Variants in AHI1 observed in about 807,000 individuals in gnomAD.
AHI1 encodes jouberin.
A neutral mutation model predicts 149.3 loss-of-function variants in AHI1; 123 were observed. The observed-to-expected ratio is 0.82, with a 90% CI of 0.71 to 0.96. The LOEUF (loss-of-function observed/expected upper bound fraction) is 0.96, where lower values mean the gene tolerates loss of function less well. Ranked by LOEUF, AHI1 falls within the 40% of genes least tolerant of loss-of-function variation. AHI1 has a pLI of 0.00. For missense variants in AHI1, 1,439 were observed against 1,422.7 expected, an observed-to-expected ratio of 1.01 and a Z score of -0.18; for synonymous variants, 475 against 459.8, an observed-to-expected ratio of 1.03 and a Z score of -0.42.
chr6:135,497,311 G>A (rs1427698798), intron 1 of AHI1, 62 bp from the exon 2 acceptor site: 2 of 152,282 alleles, frequency 1.3e-5, no homozygotes, highest in Non-Finnish European at 2.9e-5. Context: ...TAAGAATCGG[G>A]AGTAGGAAAG....
chr6:135,400,155 AATT>A (rs1287445232), intron 22 of AHI1, among the ~76,000 whole-genome samples: 1 of 152,184 alleles, frequency 6.6e-6, no homozygotes, highest in Non-Finnish European at 1.5e-5. Context: ...ACGAAAAAAT[AATT>A]ATGTTTTTAA....
chr6:135,422,523 T>C (rs147242717), intron 20 of AHI1, among the ~76,000 whole-genome samples: 1 of 151,714 alleles, frequency 6.6e-6, no homozygotes, highest in African/African-American at 2.4e-5. Flanking sequence ...AAAAAAAAAT[T>C]AGTGCTATAT....
chr6:135,397,870 C>T (rs1381615092), intron 22 of AHI1, among the ~76,000 whole-genome samples: 1 of 151,982 alleles, frequency 6.6e-6, no homozygotes, highest in African/African-American at 2.4e-5. Context: ...TATCATATCT[C>T]AAGTTGGTTT....
chr6:135,314,133 C>T (rs1785599337), intron 26 of AHI1, among the ~76,000 whole-genome samples: 1 of 152,140 alleles, frequency 6.6e-6, no homozygotes, highest in Non-Finnish European at 1.5e-5. Context: ...ATGTTATGGA[C>T]CTCATGTCTG....
chr6:135,303,870 T>C (rs1047039398), intron 26 of AHI1, among the ~76,000 whole-genome samples: 2 of 152,158 alleles, frequency 1.3e-5, no homozygotes, highest in Non-Finnish European at 2.9e-5. Context: ...GCTCTGTAAA[T>C]GACAGTTTAC....
intron 16 of AHI1, among the ~76,000 whole-genome samples, 194 bp downstream of exon 16, chr6:135,432,833 T>C (rs1159216465): frequency 6.6e-6 from 1 of 152,192 alleles, no homozygotes. Flanking sequence ...AATCTAAATG[T>C]TTAAGAATTT....
At chr6:135,417,183 A>T (rs1782500919) in intron 20 of AHI1, among the ~76,000 whole-genome samples, 1 of 152,176 alleles carries the variant, frequency 6.6e-6, no homozygotes, top group East Asian at 1.9e-4. Flanking sequence ...TTTGCTTTTT[A>T]AAATTGTCCC....
chr6:135,337,915 A>C (rs1562527469), intron 24 of AHI1, among the ~76,000 whole-genome samples: 1 of 152,186 alleles, frequency 6.6e-6, no homozygotes. Flanking sequence ...ATATTCTAGG[A>C]GAAGTTCGCG....
At chr6:135,339,555 G>C (rs1341580798) in intron 24 of AHI1, among the ~76,000 whole-genome samples, 1 of 152,148 alleles carries the variant, frequency 6.6e-6, no homozygotes, top group African/African-American at 2.4e-5. Flanking sequence ...ATATTCACTA[G>C]AGGGACTCAA....
chr6:135,402,232 T>C (rs76697806), intron 22 of AHI1, among the ~76,000 whole-genome samples: 3,414 of 152,118 alleles, frequency 0.022, 60 homozygotes, highest in East Asian at 0.053. Context: ...AATTCGAAAA[T>C]GGTTCACATG....
intron 5 of AHI1, among the ~76,000 whole-genome samples, chr6:135,479,003 G>A (rs1270635689): frequency 6.6e-6 from 1 of 152,268 alleles, no homozygotes; most frequent in African/African-American, 2.4e-5. Flanking sequence ...TTGAGCCTGT[G>A]GGTGTGCAGA....
chr6:135,300,889 A>C (rs962151967), intron 26 of AHI1: 1 of 1,020,650 alleles, frequency 9.8e-7, no homozygotes, highest in African/African-American at 1.7e-5. Context: ...ATATTACTTA[A>C]GCTCTAAATA....
intron 20 of AHI1, among the ~76,000 whole-genome samples, chr6:135,426,131 G>T (rs1160049762): frequency 1.3e-5 from 2 of 151,716 alleles, no homozygotes; most frequent in Non-Finnish European, 3.0e-5. Context: ...GACATTGAAT[G>T]ATTTGAGGAA....
intron 26 of AHI1, among the ~76,000 whole-genome samples, chr6:135,304,257 T>C (rs1784271947): frequency 6.6e-6 from 1 of 152,116 alleles, no homozygotes; most frequent in South Asian, 2.1e-4. Context: ...TTCACTATAT[T>C]GTCCAGGTTA....
At chr6:135,486,695 A>G (rs1257384186) in intron 5 of AHI1, among the ~76,000 whole-genome samples, 1 of 152,102 alleles carries the variant, frequency 6.6e-6, no homozygotes, top group Non-Finnish European at 1.5e-5. Context: ...GCACACTTTT[A>G]CTTTTAAACT....
At chr6:135,462,016 GA>G (rs1167354868) in intron 8 of AHI1, among the ~76,000 whole-genome samples, 5 of 151,828 alleles carry the variant, frequency 3.3e-5, no homozygotes, top group Admixed American at 6.6e-5. Context: ...TTCAGTTTGT[GA>G]AAAAAACTTT....
chr6:135,442,730 T>A lies in AHI1; in HGVS notation c.1780-16A>T. On this transcript the variant is annotated splice_polypyrimidine_tract_variant and intron_variant, in intron 13 of 28. Transcript: ENST00000265602. ...TACGGCAAGCCTAAAAAACATACGTTTAAAAAATATAAATTAGCAAACATT... is the reference window on the plus strand; with the variant it reads ...TACGGCAAGCCTAAAAAACATACGTATAAAAAATATAAATTAGCAAACATT... The A allele has an allele frequency of 6.3e-7, 1 of 1,578,954 alleles. No homozygotes were observed.
chr6:135,494,155 G>A (rs973564362), intron 3 of AHI1, among the ~76,000 whole-genome samples: 1 of 152,226 alleles, frequency 6.6e-6, no homozygotes, highest in South Asian at 2.1e-4. Context: ...ATGCAGTACA[G>A]GGCAGTAGTT....
chr6:135,324,808 A>C (rs1353270026), intron 24 of AHI1, among the ~76,000 whole-genome samples: 1 of 151,670 alleles, frequency 6.6e-6, no homozygotes, highest in Non-Finnish European at 1.5e-5. Context: ...ATTACAGTTC[A>C]CATAACTGTT....
Sources: gnomAD v4.1 joint callset for allele counts (sites outside exome capture counted in the v4.1 genomes callset) on GRCh38, gnomAD v4.1.1 for gene constraint, MANE v1.5 for transcripts, NCBI Gene and HGNC (gene_info 2026-07-23, HGNC 2026-07-21) for gene names.